TRIM23: variants seen among roughly 807,000 people sequenced by gnomAD.
TRIM23 encodes the protein tripartite motif containing 23, also known as E3 ubiquitin-protein ligase TRIM23.
A neutral mutation model predicts 71.0 loss-of-function variants in TRIM23; 27 were observed. The observed-to-expected ratio is 0.38, with a 90% CI of 0.28 to 0.52. The LOEUF (loss-of-function observed/expected upper bound fraction) is 0.52, where lower values mean the gene tolerates loss of function less well. Among genes scored for constraint, TRIM23 ranks in the 20% least tolerant of loss-of-function variants. The pLI is 0.84. For synonymous variants in TRIM23, 234 were observed against 238.0 expected, an observed-to-expected ratio of 0.98 and a Z score of 0.16; for missense variants, 482 against 692.3, an observed-to-expected ratio of 0.70 and a Z score of 3.41.
At chr5:65,596,356 A>T in intron 9 of TRIM23, 65 bp downstream of exon 9, 1 of 1,135,272 alleles carries the variant, frequency 8.8e-7, no homozygotes, top group East Asian at 2.4e-5. Context: ...TTGCTAGTTA[A>T]ATCAGTACAC....
At chr5:65,592,512 C>T (rs1754071306) in intron 10 of TRIM23, among the ~76,000 whole-genome samples, 1 of 151,990 alleles carries the variant, frequency 6.6e-6, no homozygotes, top group Non-Finnish European at 1.5e-5. Flanking sequence ...CAGGCATGAG[C>T]CACCACGCCT....
At chr5:65,611,162 G>GA in intron 4 of TRIM23, 119 bp from the exon 5 acceptor site, 1 of 866,202 alleles carries the variant, frequency 1.2e-6, no homozygotes, top group South Asian at 2.1e-5. Flanking sequence ...TTATGACACA[G>GA]AAAAATACTA....
intron 6 of TRIM23, among the ~76,000 whole-genome samples, chr5:65,605,610 A>G (rs1754473637): frequency 6.6e-6 from 1 of 152,180 alleles, no homozygotes. Context: ...AAAGTTTAAA[A>G]ATTAATTTCA....
chr5:65,591,449 C>G lies in TRIM23; in HGVS notation c.*320G>C. The G allele has an allele frequency of 6.3e-7, 1 of 1,595,164 alleles. No homozygotes were observed. Among genetic ancestry groups the G allele is most frequent in the East Asian group, 2.3e-5 (1 of 43,564 alleles). On this transcript the variant is annotated 3_prime_UTR_variant, in exon 11 of 11. Transcript: ENST00000231524. ...CTGAAAGAATAAACCTTCACTTACC[C>G]TTTCTCTGTGACTACCTCTTTCCCA...
intron 10 of TRIM23, among the ~76,000 whole-genome samples, chr5:65,592,852 A>G (rs371773271): frequency 9.8e-5 from 15 of 152,346 alleles, no homozygotes; most frequent in African/African-American, 3.6e-4. Flanking sequence ...TTTTAATATC[A>G]GAATTCCCTT....
intron 6 of TRIM23, among the ~76,000 whole-genome samples, chr5:65,608,186 T>C (rs1284514679): frequency 6.6e-6 from 1 of 152,106 alleles, no homozygotes; most frequent in East Asian, 1.9e-4. Flanking sequence ...GAGTGGCTCA[T>C]GGAGCTGAAA....
At chr5:65,611,952 A>G in intron 3 of TRIM23, 71 bp from the exon 4 acceptor site, 2 of 1,409,066 alleles carry the variant, frequency 1.4e-6, no homozygotes, top group Non-Finnish European at 1.9e-6. Context: ...TTAAATATAG[A>G]ATCCATAATC....
At chr5:65,612,960 T>C (rs1030727233) in intron 3 of TRIM23, among the ~76,000 whole-genome samples, 3 of 152,164 alleles carry the variant, frequency 2.0e-5, no homozygotes, top group African/African-American at 7.2e-5. Flanking sequence ...TGTCAGATAA[T>C]CAAGAATGTT....
chr5:65,594,425 T>TTA, intron 10 of TRIM23, 96 bp downstream of exon 10: 1 of 1,385,686 alleles, frequency 7.2e-7, no homozygotes, highest in Non-Finnish European at 9.7e-7. Flanking sequence ...AAACTATAAA[T>TTA]ATCTATTGAA....
chr5:65,607,417 G>GA (rs1446858470), intron 6 of TRIM23, among the ~76,000 whole-genome samples: 1 of 152,146 alleles, frequency 6.6e-6, no homozygotes, highest in Non-Finnish European at 1.5e-5. Flanking sequence ...CTGTTCTCAT[G>GA]ATAGTGATTA....
intron 9 of TRIM23, among the ~76,000 whole-genome samples, chr5:65,596,148 TC>T (rs1754200412): frequency 6.6e-6 from 1 of 152,192 alleles, no homozygotes; most frequent in African/African-American, 2.4e-5. Flanking sequence ...TAATATACAC[TC>T]TCTGTTAAGA....
At position 65,590,056 on chromosome 5, in the gene TRIM23, A is replaced by T; in HGVS notation, c.*1713T>A. The T allele has an allele frequency of 2.8e-6, 1 of 359,278 alleles. No homozygotes were observed. Among genetic ancestry groups the T allele is most frequent in the South Asian group, 9.7e-5 (1 of 10,342 alleles). The allele number at this position is 359,278 out of a possible 1,614,324, so 22.3% of individuals were successfully genotyped here. ...ACATTATAATCAGGCACAATTTTTC[A>T]ACTGTGTTCAGTTATATGCTAAGAA... is the stretch of plus-strand genomic sequence containing the variant. On this transcript the variant is annotated 3_prime_UTR_variant, in exon 11 of 11. Transcript: ENST00000231524.
intron 9 of TRIM23, among the ~76,000 whole-genome samples, chr5:65,595,355 A>G (rs1754171750): frequency 6.6e-6 from 1 of 152,074 alleles, no homozygotes; most frequent in African/African-American, 2.4e-5. Context: ...CAGGAGATGG[A>G]GACCATCCTG....
chr5:65,610,502 T>C (rs1392788975), intron 5 of TRIM23, among the ~76,000 whole-genome samples: 1 of 152,226 alleles, frequency 6.6e-6, no homozygotes, highest in Non-Finnish European at 1.5e-5. Flanking sequence ...CATTTTAACA[T>C]ATTGTTCCCT....
intron 10 of TRIM23, among the ~76,000 whole-genome samples, chr5:65,594,219 A>C (rs1327158063): frequency 6.6e-6 from 1 of 152,252 alleles, no homozygotes; most frequent in Non-Finnish European, 1.5e-5. Context: ...TGCCACATTT[A>C]GAACTACTTT....
At chr5:65,616,337 G>GCTC (rs1561751357) in intron 2 of TRIM23, among the ~76,000 whole-genome samples, 2 of 152,054 alleles carry the variant, frequency 1.3e-5, no homozygotes, top group African/African-American at 4.8e-5. Context: ...TGTAGAGAAG[G>GCTC]TAAAGTGCTC....
chr5:65,619,469 C>T (rs749167101), intron 1 of TRIM23, among the ~76,000 whole-genome samples: 1 of 152,170 alleles, frequency 6.6e-6, no homozygotes, highest in Non-Finnish European at 1.5e-5. Flanking sequence ...AGCTCACCAT[C>T]ATCAAACACA....
chr5:65,600,679 T>A (rs1272709745), intron 7 of TRIM23, among the ~76,000 whole-genome samples: 3 of 134,740 alleles, frequency 2.2e-5, no homozygotes, highest in East Asian at 2.1e-4. Context: ...TTTTTGTGCA[T>A]AAAATGACAA....
intron 6 of TRIM23, among the ~76,000 whole-genome samples, chr5:65,605,878 T>C (rs924688162): frequency 6.6e-6 from 1 of 152,194 alleles, no homozygotes; most frequent in African/African-American, 2.4e-5. Context: ...GAAGTCATTA[T>C]TGCTTTCTCT....
Sources: gnomAD v4.1 joint callset for allele counts (sites outside exome capture counted in the v4.1 genomes callset) on GRCh38, gnomAD v4.1.1 for gene constraint, MANE v1.5 for transcripts, NCBI Gene and HGNC (gene_info 2026-07-23, HGNC 2026-07-21) for gene names.